CRYM: variants seen among roughly 807,000 people sequenced by gnomAD.
CRYM encodes ketimine reductase mu-crystallin.
In CRYM, 18 loss-of-function variants were observed where a neutral mutation model predicts 32.9. That is an observed-to-expected ratio of 0.55 (90% CI 0.38 to 0.81). CRYM has a LOEUF of 0.81. CRYM is among the 30% of genes least tolerant of loss of function. CRYM has a pLI of 0.00. For missense variants in CRYM, 337 were observed against 393.5 expected (o/e 0.86, Z 1.21); for synonymous variants, 153 against 152.4 (o/e 1.00, Z -0.03).
intron 5 of CRYM, among the ~76,000 whole-genome samples, chr16:21,265,994 C>T (rs1265405690): frequency 3.9e-5 from 6 of 152,058 alleles, no homozygotes; most frequent in South Asian, 2.1e-4. Flanking sequence ...GAGGCTGAGG[C>T]GGGTGGATCA....
intron 1 of CRYM, among the ~76,000 whole-genome samples, chr16:21,297,733 T>C (rs1389108487): frequency 1.3e-5 from 2 of 152,210 alleles, no homozygotes; most frequent in African/African-American, 4.8e-5. Context: ...TGTATTTCCA[T>C]TGACATGTAA....
chr16:21,276,971 A>C (rs1315334748), intron 2 of CRYM, among the ~76,000 whole-genome samples: 1 of 152,180 alleles, frequency 6.6e-6, no homozygotes, highest in South Asian at 2.1e-4. Context: ...CCATAAACAC[A>C]AGCTACTGCT....
At chr16:21,261,104 G>A (rs1005841109) in intron 7 of CRYM, 150 bp downstream of exon 7, 6 of 720,654 alleles carry the variant, frequency 8.3e-6, no homozygotes, top group Non-Finnish European at 1.5e-5. Context: ...CATGGGCTTA[G>A]CACTAGGCTA....
chr16:21,276,131 C>T (rs947975757), intron 2 of CRYM, among the ~76,000 whole-genome samples: 2 of 152,204 alleles, frequency 1.3e-5, no homozygotes, highest in African/African-American at 2.4e-5. Flanking sequence ...GATTCCGATA[C>T]ACAGCGAAGG....
Position 21,277,514 on chromosome 16 carries a change from C to T in CRYM, c.241G>A (p.Glu81Lys). 2 of 1,613,918 alleles carry T rather than the reference C, an allele frequency of 1.2e-6. No homozygotes were observed. The highest frequency in any genetic ancestry group is 8.5e-7 in the Non-Finnish European group (1 of 1,180,010). ...ALTTKLVTFY[E>K]DRGITSVVPS... ...ACGACCGAGGTGATGCCGCGGTCCTCGTAGAAGGTGACCAACTTGGTGGTC... is the reference window on the plus strand; with the variant it reads ...ACGACCGAGGTGATGCCGCGGTCCTTGTAGAAGGTGACCAACTTGGTGGTC... The change falls in exon 2 of 8, where the codon GAG becomes AAG. Residue 81 changes from glutamate to lysine, a missense_variant. By Grantham distance (56) the Glu-to-Lys change is moderately conservative. Coordinates refer to ENST00000572914, the MANE Select transcript of CRYM (RefSeq NM_001376256.1). This position sits in a 1 kb window ranked among gnomAD's most constrained non-coding sequence, Gnocchi z 4.2.
chr16:21,280,957 T>C (rs1297337491), upstream of CRYM, among the ~76,000 whole-genome samples: 1 of 151,876 alleles, frequency 6.6e-6, no homozygotes, highest in African/African-American at 2.4e-5. Flanking sequence ...GTACAAAAAT[T>C]AGCCAGGTGT....
At chr16:21,278,610 C>T (rs1267020227), upstream of CRYM, 3 of 344,998 alleles carry the variant, frequency 8.7e-6, no homozygotes, top group Non-Finnish European at 1.6e-5. Context: ...TCGCTTTTTG[C>T]TGCTGTCTAG....
intron 1 of CRYM, among the ~76,000 whole-genome samples, chr16:21,296,854 C>T (rs1375580491): frequency 6.6e-6 from 1 of 151,382 alleles, no homozygotes; most frequent in Admixed American, 6.6e-5. Flanking sequence ...ACTAAAAATA[C>T]AAAAATTAGC....
At chr16:21,294,688 CTT>C (rs372808041) in intron 1 of CRYM, among the ~76,000 whole-genome samples, 12 of 137,374 alleles carry the variant, frequency 8.7e-5, no homozygotes, top group Admixed American at 6.6e-4. Flanking sequence ...GATCTCATTC[CTT>C]TTTTTTTTTT....
chr16:21,258,698 G>A lies in CRYM; in HGVS notation c.*83C>T. ...ACAAAAGGAGAGTTCACTGGGGACT[G>A]GACTCCCTCATTTACTCTAGAAATT... On this transcript the variant is annotated 3_prime_UTR_variant, in exon 8 of 8. Transcript: ENST00000572914. The A allele has an allele frequency of 8.7e-7, 1 of 1,146,196 alleles. No individual in the cohort carries two copies. The highest frequency in any genetic ancestry group is 1.7e-5 in the Admixed American group (1 of 59,406). 71.0% of individuals were successfully genotyped at this position (1,146,196 alleles called of 1,614,324 possible). A position where few individuals can be genotyped will look rare whatever the true frequency, so the allele number is the denominator to read the frequency against.
chr16:21,284,637 A>C (rs2093404553), intron 1 of CRYM, among the ~76,000 whole-genome samples: 1 of 152,190 alleles, frequency 6.6e-6, no homozygotes, highest in South Asian at 2.1e-4. Context: ...GCTGTATAGT[A>C]TTCCATAGTG....
upstream of CRYM, among the ~76,000 whole-genome samples, chr16:21,281,240 ATG>A (rs1161057946): frequency 6.6e-6 from 1 of 150,874 alleles, no homozygotes; most frequent in Non-Finnish European, 1.5e-5. Context: ...ATATGTATAT[ATG>A]TGCATATATA....
chr16:21,280,451 G>A (rs1392993302), upstream of CRYM, among the ~76,000 whole-genome samples: 2 of 151,888 alleles, frequency 1.3e-5, no homozygotes, highest in Non-Finnish European at 2.9e-5. Flanking sequence ...ACCCCCTCTG[G>A]GCCAAGCAGA....
intron 1 of CRYM, 52 bp downstream of exon 1, chr16:21,278,029 CT>C: frequency 1.3e-6 from 2 of 1,515,660 alleles, no homozygotes; most frequent in South Asian, 1.2e-5. Context: ...CCTGCTCCTC[CT>C]TTCCCCGCTT....
At chr16:21,295,434 C>CT (rs947402259) in intron 1 of CRYM, among the ~76,000 whole-genome samples, 91 of 152,016 alleles carry the variant, frequency 6.0e-4, no homozygotes, top group African/African-American at 1.6e-3. Context: ...TGATGTTGAG[C>CT]TTTTTTTTAT....
chr16:21,294,511 C>T (rs957491726), intron 1 of CRYM, among the ~76,000 whole-genome samples: 1 of 151,854 alleles, frequency 6.6e-6, no homozygotes, highest in Non-Finnish European at 1.5e-5. Flanking sequence ...TTCCCCGCCA[C>T]CCCCTGACAG....
At chr16:21,282,076 T>G (rs149869220), upstream of CRYM, among the ~76,000 whole-genome samples, 43 of 152,318 alleles carry the variant, frequency 2.8e-4, no homozygotes, top group East Asian at 6.6e-3. Flanking sequence ...GATGACTGAA[T>G]CATGGAGGCG....
In CRYM at chr16:21,277,731, A is replaced by T. The variant is rs1445368956; in HGVS notation, c.171-147T>A. The T allele has an allele frequency of 1.1e-6, 1 of 897,798 alleles. No individual in the cohort carries two copies. The highest frequency in any genetic ancestry group is 2.1e-5 in the Admixed American group (1 of 47,394). 55.6% of individuals were successfully genotyped at this position (897,798 alleles called of 1,614,324 possible). A position where few individuals can be genotyped will look rare whatever the true frequency, so the allele number is the denominator to read the frequency against. ...CCGCATCCCTCTGCCCTTCCCTTAG[A>T]CACTATGCACAGTATGTTCAGAAGT... On this transcript the variant is annotated intron_variant, in intron 1 of 7. Transcript: ENST00000572914. This position sits in a 1 kb window ranked among gnomAD's most constrained non-coding sequence, Gnocchi z 4.2.
chr16:21,265,647 C>T (rs903094282), intron 5 of CRYM, among the ~76,000 whole-genome samples: 1 of 152,192 alleles, frequency 6.6e-6, no homozygotes, highest in Non-Finnish European at 1.5e-5. Context: ...GCCTGGCACA[C>T]GGTAGAGATT....
Sources: gnomAD v4.1 joint callset for allele counts (sites outside exome capture counted in the v4.1 genomes callset) on GRCh38, gnomAD v4.1.1 for gene constraint, Gnocchi (gnomAD v3.1) non-coding constraint, MANE v1.5 for transcripts, NCBI Gene and HGNC (gene_info 2026-07-23, HGNC 2026-07-21) for gene names.